Variants in UBR3 observed in about 807,000 individuals in gnomAD.
UBR3 encodes the protein ubiquitin protein ligase E3 component n-recognin 3.
Under a neutral mutation model 243.2 loss-of-function variants are expected in UBR3, and 85 were observed. That is an observed-to-expected ratio of 0.35 (90% confidence interval 0.29 to 0.42). The LOEUF (loss-of-function observed/expected upper bound fraction) is 0.42. Among genes scored for constraint, UBR3 ranks in the 10% least tolerant of loss-of-function variants. The probability of loss-of-function intolerance (pLI) is 1.00; values close to 1 mark genes in which losing one functional copy is unlikely to be tolerated. For missense variants in UBR3, 1,686 were observed against 2,300.8 expected (o/e 0.73, Z 5.47); for synonymous variants, 748 against 799.8 (o/e 0.94, Z 1.09).
intron 11 of UBR3, among the ~76,000 whole-genome samples, chr2:169,916,209 G>A (rs2085458914): frequency 6.6e-6 from 1 of 152,074 alleles, no homozygotes; most frequent in Admixed American, 6.6e-5. Context: ...TGAAAGCTGT[G>A]AGTTCAAACT....
Position 170,082,228 on chromosome 2 carries a change from T to C in UBR3, c.*385T>C, listed in dbSNP as rs1179382367. The stretch of plus-strand genomic sequence containing the variant: ...GCTTCTTTCTGTCTGTGTGTTTTAA[T>C]TTGCATCTGCCAAGCATAATGCATC... On this transcript the variant is annotated 3_prime_UTR_variant, in exon 39 of 39. Transcript: ENST00000272793. The C allele has an allele frequency of 6.3e-6, 1 of 158,460 alleles. No homozygotes were observed. Among genetic ancestry groups the C allele is most frequent in the Non-Finnish European group, 1.4e-5 (1 of 72,102 alleles). The allele number at this position is 158,460 out of a possible 1,614,324, so 9.8% of individuals were successfully genotyped here.
chr2:170,047,228 C>G (rs1559215746), intron 32 of UBR3, among the ~76,000 whole-genome samples: 1 of 151,872 alleles, frequency 6.6e-6, no homozygotes, highest in African/African-American at 2.4e-5. Flanking sequence ...CCAGGCTGGT[C>G]TCGAACTCTG....
At position 169,942,603 on chromosome 2, in the gene UBR3, T is replaced by A. The variant is rs1450351533; in HGVS notation, c.2774T>A (p.Leu925Ter). The change falls in exon 20 of 39, where the codon TTA (leucine) becomes TAA (stop). Residue 925 changes from leucine to a stop codon, truncating the protein, a stop_gained. Transcript: ENST00000272793. LOFTEE classifies it high-confidence loss of function. Reference sequence around the variant, plus strand: ...ATGAGACTTTTGCACTGTAAAACTTTACACATTGTGCTATTCACTCTGCTT... The same window carrying A: ...ATGAGACTTTTGCACTGTAAAACTTAACACATTGTGCTATTCACTCTGCTT... ...GLMRLLHCKTLHIVLFTLLYK... is the reference protein window; with the variant it reads ...GLMRLLHCKT 1 of 1,549,414 alleles carries A rather than the reference T, an allele frequency of 6.5e-7. No individual in the cohort carries two copies. Among genetic ancestry groups the A allele is most frequent in the Non-Finnish European group, 8.7e-7 (1 of 1,146,468 alleles).
intron 23 of UBR3, among the ~76,000 whole-genome samples, chr2:169,956,300 T>TTATA (rs145201293): frequency 0.4 from 58,838 of 146,746 alleles, 13,019 homozygotes; most frequent in Non-Finnish European, 0.51. Context: ...AACTAAAATG[T>TTATA]TATATATATA....
At chr2:169,884,273 C>T (rs1453538492) in intron 5 of UBR3, among the ~76,000 whole-genome samples, 1 of 152,036 alleles carries the variant, frequency 6.6e-6, no homozygotes, top group Non-Finnish European at 1.5e-5. Context: ...CTGCCTCAGC[C>T]TCCCGAGTAG....
chr2:169,896,833 ATACT>A (rs772630171), intron 8 of UBR3, 98 bp downstream of exon 8: 55 of 791,208 alleles, frequency 7.0e-5, no homozygotes, highest in South Asian at 1.9e-4. Context: ...ACTAATAATG[ATACT>A]TAGTATTATT....
rs539617134 is a variant in UBR3, at chr2:170,080,415, T to C, written c.5410-130T>C. On this transcript the variant is annotated intron_variant, in intron 37 of 38. Coordinates refer to ENST00000272793, the MANE Select transcript of UBR3 (RefSeq NM_172070.4). ...TAATAAAGTGTTAGGAATGGAGTTA[T>C]AAGTTTAACTTAAATGAAATCTTAC... The C allele has an allele frequency of 8.7e-4, 878 of 1,007,454 alleles. 2 individuals are homozygous for C. Among genetic ancestry groups the C allele is most frequent in the Admixed American group, 1.2e-3 (42 of 33,742 alleles). The allele number at this position is 1,007,454 out of a possible 1,614,324, so 62.4% of individuals were successfully genotyped here.
In UBR3 at chr2:169,888,917, C is replaced by CT. The variant is rs368350576; in HGVS notation, c.1039-2238dup. Among the ~76,000 whole-genome samples the CT allele has an allele frequency of 5.4e-3, 804 of 148,476 alleles. 4 individuals are homozygous for CT. Among genetic ancestry groups the CT allele is most frequent in the African/African-American group, 0.017 (703 of 40,588 alleles). ...ATCATCTACTATTGGAAACCAAAGA[C>CT]TTTTTTTTTTGCCATTATAAATAAC... On this transcript the variant is annotated intron_variant, in intron 5 of 38. Transcript: ENST00000272793.
intron 23 of UBR3, among the ~76,000 whole-genome samples, chr2:169,955,662 T>C (rs2087247164): frequency 6.6e-6 from 1 of 151,710 alleles, no homozygotes; most frequent in Admixed American, 6.6e-5. Context: ...GGCATGGTGG[T>C]GCGTGCCTGT....
At chr2:170,062,865 T>C (rs1409198176) in intron 35 of UBR3, among the ~76,000 whole-genome samples, 2 of 152,210 alleles carry the variant, frequency 1.3e-5, no homozygotes, top group East Asian at 1.9e-4. Context: ...TGTAGTGGAA[T>C]ACCACACATA....
chr2:169,842,505 A>G (rs935093910), intron 1 of UBR3, among the ~76,000 whole-genome samples: 6 of 152,040 alleles, frequency 3.9e-5, no homozygotes, highest in African/African-American at 9.7e-5. Context: ...TTTGCAATAA[A>G]TCTTGCTACT....
intron 10 of UBR3, 33 bp from the exon 11 acceptor site, chr2:169,914,027 C>T (rs896075490): frequency 2.9e-6 from 3 of 1,028,290 alleles, no homozygotes; most frequent in Admixed American, 7.1e-5. Flanking sequence ...GTTTATATAT[C>T]ATAAATTTAT....
At chr2:169,950,162 C>A in intron 23 of UBR3, 97 bp downstream of exon 23, 1 of 1,110,182 alleles carries the variant, frequency 9.0e-7, no homozygotes, top group Non-Finnish European at 1.3e-6. Context: ...GGATGTTTAA[C>A]AGGAACAGTC....
At chr2:169,886,173 A>C (rs1050160848) in intron 5 of UBR3, among the ~76,000 whole-genome samples, 5 of 151,482 alleles carry the variant, frequency 3.3e-5, no homozygotes, top group African/African-American at 1.2e-4. Flanking sequence ...AAAAAAAAAA[A>C]GTTAATTTTA....
chr2:169,954,943 T>G (rs1239295557), intron 23 of UBR3, among the ~76,000 whole-genome samples: 2 of 152,198 alleles, frequency 1.3e-5, no homozygotes, highest in Admixed American at 6.5e-5. Flanking sequence ...TGCCTCTTTG[T>G]TCTCCTTCAA....
intron 1 of UBR3, among the ~76,000 whole-genome samples, chr2:169,842,262 G>GTGTGTCGAAACTC (rs1385359653): frequency 2.6e-5 from 4 of 152,116 alleles, no homozygotes; most frequent in Non-Finnish European, 4.4e-5. Context: ...TGGAGAACCT[G>GTGTGTCGAAACTC]TGTGTCGAAA....
At chr2:169,864,201 A>G (rs1010403880) in intron 1 of UBR3, among the ~76,000 whole-genome samples, 2 of 152,114 alleles carry the variant, frequency 1.3e-5, no homozygotes, top group Admixed American at 6.5e-5. Context: ...GCATGCCACC[A>G]CATCTGGCTA....
At chr2:169,985,467 G>A (rs1483357747) in intron 24 of UBR3, among the ~76,000 whole-genome samples, 3 of 151,972 alleles carry the variant, frequency 2.0e-5, no homozygotes, top group African/African-American at 7.2e-5. Context: ...CTGACCTCAG[G>A]TGATCCGCCC....
At chr2:170,049,554 A>G (rs1277850571) in intron 32 of UBR3, among the ~76,000 whole-genome samples, 4 of 151,532 alleles carry the variant, frequency 2.6e-5, no homozygotes, top group African/African-American at 9.7e-5. Flanking sequence ...GGGGGGGATT[A>G]CTATTTCAAA....
Sources: gnomAD v4.1 joint callset for allele counts (sites outside exome capture counted in the v4.1 genomes callset) on GRCh38, gnomAD v4.1.1 for gene constraint, MANE v1.5 for transcripts, NCBI Gene and HGNC (gene_info 2026-07-23, HGNC 2026-07-21) for gene names.